Variants in PTPRJ observed in about 807,000 individuals in gnomAD.
The protein encoded by PTPRJ is protein tyrosine phosphatase receptor type J, also known as receptor-type tyrosine-protein phosphatase eta.
Under a neutral mutation model 141.3 loss-of-function variants are expected in PTPRJ, and 129 were observed. That is an observed-to-expected ratio of 0.91 (90% CI 0.79 to 1.06). PTPRJ has a LOEUF of 1.06. Among genes scored for constraint, PTPRJ ranks in the 50% least tolerant of loss-of-function variants. PTPRJ has a pLI of 0.00. For missense variants in PTPRJ, 1,601 were observed against 1,679.7 expected, an observed-to-expected ratio of 0.95 and a Z score of 0.82; for synonymous variants, 610 against 640.5, an observed-to-expected ratio of 0.95 and a Z score of 0.72.
intron 1 of PTPRJ, among the ~76,000 whole-genome samples, chr11:47,990,602 G>C (rs1309877322): frequency 6.6e-6 from 1 of 151,826 alleles, no homozygotes; most frequent in Non-Finnish European, 1.5e-5. Flanking sequence ...AGTAGTGACA[G>C]GGTTTCATCA....
At chr11:48,131,031 T>TAC (rs368230622) in intron 8 of PTPRJ, among the ~76,000 whole-genome samples, 7,815 of 68,470 alleles carry the variant, frequency 0.11, 573 homozygotes, top group East Asian at 0.18. Context: ...TAATATTTAA[T>TAC]ACACACACAC....
At chr11:48,114,611 G>A in intron 3 of PTPRJ, among the ~76,000 whole-genome samples, 1 of 152,004 alleles carries the variant, frequency 6.6e-6, no homozygotes, top group Non-Finnish European at 1.5e-5. Flanking sequence ...ATTGGAATAA[G>A]AACCTACTTC....
At chr11:48,122,011 G>A (rs2134340280) in intron 4 of PTPRJ, among the ~76,000 whole-genome samples, 1 of 152,202 alleles carries the variant, frequency 6.6e-6, no homozygotes, top group African/African-American at 2.4e-5. Context: ...GCGTGGAGCA[G>A]CAAATATGAA....
intron 1 of PTPRJ, among the ~76,000 whole-genome samples, chr11:48,023,646 G>T (rs1853718654): frequency 6.6e-6 from 1 of 152,060 alleles, no homozygotes; most frequent in Non-Finnish European, 1.5e-5. Flanking sequence ...GCTGGGTGTG[G>T]TGGTGCGCGC....
At chr11:48,136,734 A>G (rs1857110024) in intron 9 of PTPRJ, among the ~76,000 whole-genome samples, 1 of 152,226 alleles carries the variant, frequency 6.6e-6, no homozygotes, top group South Asian at 2.1e-4. Flanking sequence ...ATTAGATTTA[A>G]AAAACAGATT....
intron 1 of PTPRJ, among the ~76,000 whole-genome samples, chr11:48,100,488 A>G (rs1433040283): frequency 2.0e-5 from 3 of 152,226 alleles, no homozygotes; most frequent in Admixed American, 6.5e-5. Flanking sequence ...TGAGGTAAAT[A>G]CTGTATATAT....
intron 1 of PTPRJ, among the ~76,000 whole-genome samples, chr11:48,066,992 C>T (rs1855103530): frequency 6.6e-6 from 1 of 152,164 alleles, no homozygotes; most frequent in Admixed American, 6.6e-5. Flanking sequence ...TTGTGGGTAC[C>T]TCCCAGAGTT....
At chr11:48,128,084 C>T (rs11039536) in intron 7 of PTPRJ, 41 bp downstream of exon 7, 1 of 1,583,014 alleles carries the variant, frequency 6.3e-7, no homozygotes, top group Non-Finnish European at 8.6e-7. Context: ...TCCTGCTGTC[C>T]TGCTCCGTGC....
At chr11:48,074,389 A>G (rs1320508683) in intron 1 of PTPRJ, among the ~76,000 whole-genome samples, 1 of 152,216 alleles carries the variant, frequency 6.6e-6, no homozygotes, top group East Asian at 1.9e-4. Context: ...ACTTGACAAG[A>G]ATCATGTATA....
intron 1 of PTPRJ, among the ~76,000 whole-genome samples, chr11:48,001,585 C>T (rs1026900159): frequency 7.9e-5 from 12 of 152,142 alleles, no homozygotes; most frequent in African/African-American, 2.4e-4. Context: ...AAGTAACTGA[C>T]AGATGCTGTG....
chr11:48,138,968 A>C (rs1857168199), intron 10 of PTPRJ, among the ~76,000 whole-genome samples: 1 of 152,172 alleles, frequency 6.6e-6, no homozygotes, highest in South Asian at 2.1e-4. Context: ...CCCCATGTCT[A>C]CTAAAAATAC....
In PTPRJ at chr11:48,137,077, G is replaced by T; in HGVS notation, c.1948G>T (p.Asp650Tyr). The T allele has an allele frequency of 6.2e-7, 1 of 1,604,160 alleles. No individual in the cohort carries two copies. ...AACTTTAAGTTGGCAGAACTTTGAT[G>T]ACGCCTCTCCCACGTACTCCTACTG... ...AATLSWQNFD[D>Y]ASPTYSYCLL... The change falls in exon 10 of 25, where the codon GAC (aspartate) becomes TAC (tyrosine). Residue 650 changes from aspartate to tyrosine, a missense_variant. Physicochemically the swap from Asp to Tyr is radical, Grantham distance 160. Transcript: ENST00000418331.
chr11:48,021,376 A>AAAATAAATAAATAAATAAAT (rs71457241), intron 1 of PTPRJ, among the ~76,000 whole-genome samples: 3 of 136,518 alleles, frequency 2.2e-5, no homozygotes, highest in Admixed American at 7.5e-5. Flanking sequence ...CTCCGTCCCT[A>AAAATAAATAAATAAATAAAT]AAATAAATAA....
At chr11:48,022,165 G>T (rs1324036409) in intron 1 of PTPRJ, among the ~76,000 whole-genome samples, 1 of 151,838 alleles carries the variant, frequency 6.6e-6, no homozygotes, top group Admixed American at 6.6e-5. Flanking sequence ...AGTGTTGGTT[G>T]TATATAAGAT....
chr11:48,144,872 C>T lies in PTPRJ; in HGVS notation c.2773C>T (p.Leu925=). 6.2e-7 allele frequency: 1 copy of T among 1,614,172 alleles called. No individual in the cohort carries two copies. The change falls in exon 13 of 25, where the codon CTG becomes TTG. Residue 925 remains leucine, a synonymous_variant. Transcript: ENST00000418331. The stretch of plus-strand genomic sequence containing the variant: ...TTATTACAATGGGAAGCTGGAACCT[C>T]TGGGCTCCTACCGGTAATGTCTTCT... ...LGYYNGKLEP[L]GSYRACVAGF... is the part of the protein sequence containing the mutation.
At chr11:48,021,653 C>T (rs1301548452) in intron 1 of PTPRJ, among the ~76,000 whole-genome samples, 1 of 151,546 alleles carries the variant, frequency 6.6e-6, no homozygotes, top group Non-Finnish European at 1.5e-5. Context: ...GAGCACTGCA[C>T]CCTGCCCCTC....
chr11:48,074,155 T>C (rs1855339565), intron 1 of PTPRJ, among the ~76,000 whole-genome samples: 1 of 152,124 alleles, frequency 6.6e-6, no homozygotes, highest in Non-Finnish European at 1.5e-5. Context: ...AATTTTTATA[T>C]TTTTTGTAGA....
In PTPRJ at chr11:48,137,290, A is replaced by G. The variant is rs372651230; in HGVS notation, c.2152+9A>G. The G allele has an allele frequency of 8.8e-5, 141 of 1,610,168 alleles. No homozygotes were observed. Among genetic ancestry groups the G allele is most frequent in the Non-Finnish European group, 1.1e-4 (131 of 1,177,122 alleles). On this transcript the variant is annotated intron_variant, in intron 10 of 24. Coordinates refer to ENST00000418331, the MANE Select transcript of PTPRJ (RefSeq NM_002843.4). The stretch of plus-strand genomic sequence containing the variant: ...GAAGTCATTCTGTACAGGTGAGTGT[A>G]GCCCCAACTGCCTCTTGGACTCCTC...
rs1856474587 is a variant in PTPRJ at position 48,112,831 on chromosome 11, C to T, written c.200C>T (p.Ser67Phe). ...GITQISSTAE[S>F]FHKQNGTGTP... ...ACGCAGATCAGCAGTACAGCAGAAT[C>T]CTTTCATAAACAGAATGGAACTGGA... The change falls in exon 3 of 25, where the codon TCC becomes TTC. Residue 67 changes from serine to phenylalanine, a missense_variant. Physicochemically the swap from Ser to Phe is radical, Grantham distance 155. Transcript: ENST00000418331. 2.4e-5 allele frequency: 39 copies of T among 1,614,190 alleles called. No homozygotes were observed. Among genetic ancestry groups the T allele is most frequent in the Non-Finnish European group, 2.9e-5 (34 of 1,180,026 alleles).
Sources: gnomAD v4.1 joint callset for allele counts (sites outside exome capture counted in the v4.1 genomes callset) on GRCh38, gnomAD v4.1.1 for gene constraint, MANE v1.5 for transcripts, NCBI Gene and HGNC (gene_info 2026-07-23, HGNC 2026-07-21) for gene names.